ITGA11: variants seen among roughly 807,000 people sequenced by gnomAD.
The protein encoded by ITGA11 is integrin subunit alpha 11, also known as integrin alpha-11.
In ITGA11, 97 loss-of-function variants were observed where a neutral mutation model predicts 141.9. That is an observed-to-expected ratio of 0.68 (90% confidence interval 0.58 to 0.81). The LOEUF (loss-of-function observed/expected upper bound fraction) is 0.81. Among genes scored for constraint, ITGA11 ranks in the 30% least tolerant of loss-of-function variants. The probability of loss-of-function intolerance (pLI) is 0.00; values close to 1 mark genes in which losing one functional copy is unlikely to be tolerated. For synonymous variants in ITGA11, 658 were observed against 624.6 expected (o/e 1.05, Z -0.80); for missense variants, 1,387 against 1,559.2 (o/e 0.89, Z 1.86).
intron 2 of ITGA11, among the ~76,000 whole-genome samples, chr15:68,392,498 G>A (rs544698816): frequency 1.8e-4 from 27 of 152,266 alleles, no homozygotes; most frequent in African/African-American, 6.5e-4. Flanking sequence ...AAGATGACTA[G>A]GATTTGGGAA....
intron 2 of ITGA11, among the ~76,000 whole-genome samples, chr15:68,396,788 A>G (rs964711701): frequency 1.4e-5 from 2 of 147,336 alleles, no homozygotes; most frequent in Non-Finnish European, 3.0e-5. Context: ...AAAGATTGAA[A>G]AATGAAATAA....
chr15:68,404,012 G>A (rs531479304), intron 1 of ITGA11, among the ~76,000 whole-genome samples: 63 of 152,158 alleles, frequency 4.1e-4, no homozygotes, highest in African/African-American at 1.4e-3. Flanking sequence ...GGGAACTCCC[G>A]ATTCTACCAG....
chr15:68,362,444 A>G (rs1895274886), intron 4 of ITGA11, among the ~76,000 whole-genome samples: 1 of 152,198 alleles, frequency 6.6e-6, no homozygotes, highest in Non-Finnish European at 1.5e-5. Flanking sequence ...CAGATCTTAA[A>G]GGTTATGTTT....
chr15:68,428,890 A>G (rs1030123955), intron 1 of ITGA11, among the ~76,000 whole-genome samples: 8 of 152,196 alleles, frequency 5.3e-5, no homozygotes, highest in Admixed American at 5.2e-4. Context: ...CTGAGTTCTT[A>G]TTATGATCAA....
intron 1 of ITGA11, among the ~76,000 whole-genome samples, chr15:68,427,621 T>C (rs752884248): frequency 2.6e-5 from 4 of 152,104 alleles, no homozygotes; most frequent in Non-Finnish European, 5.9e-5. Context: ...GTATGAAAAC[T>C]CTCCATGGAA....
chr15:68,428,934 GA>G (rs1159993590), intron 1 of ITGA11, among the ~76,000 whole-genome samples: 1 of 152,192 alleles, frequency 6.6e-6, no homozygotes, highest in African/African-American at 2.4e-5. Context: ...GAGGGACTAG[GA>G]AAGTCTTCAC....
At position 68,365,682 on chromosome 15, in the gene ITGA11, A is replaced by ATTTCT. The variant is rs1036934332; in HGVS notation, c.266-889_266-885dup. ...GGCTTCCCTGCCTGGGGAAGGAGTAATTTCTTTTCTTTTCTCTTTTCTTTT... is the reference window on the plus strand; with the variant it reads ...GGCTTCCCTGCCTGGGGAAGGAGTAATTTCTTTTCTTTTCTTTTCTCTTTTCTTTT... On this transcript the variant is annotated intron_variant, in intron 3 of 29. Transcript: ENST00000315757. Among the ~76,000 whole-genome samples the ATTTCT allele has an allele frequency of 3.4e-5, 5 of 144,940 alleles. No individual in the cohort carries two copies. The South Asian group carries it at 6.5e-4, about 19-fold the overall frequency.
Position 68,402,923 on chromosome 15 carries a change from A to G in ITGA11, c.159T>C (p.Asn53=), listed in dbSNP as rs1303728045. The part of the protein sequence containing the change: ...YTVQQHDISG[N]KWLVVGAPLE... Reference sequence around the variant, plus strand: ...GGGCGGCCGCTCTCACTCACCACTTATTGCCACTGATGTCGTGCTGCTGCA... The same window carrying G: ...GGGCGGCCGCTCTCACTCACCACTTGTTGCCACTGATGTCGTGCTGCTGCA... Residue 53 remains asparagine, a synonymous_variant, in exon 2 of 30, where the codon AAT becomes AAC. Transcript: ENST00000315757. 1 of 1,611,582 alleles carries G rather than the reference A, an allele frequency of 6.2e-7. No individual in the cohort carries two copies. Among genetic ancestry groups the G allele is most frequent in the East Asian group, 2.2e-5 (1 of 44,856 alleles).
At chr15:68,401,681 C>T (rs1316556677) in intron 2 of ITGA11, among the ~76,000 whole-genome samples, 1 of 152,020 alleles carries the variant, frequency 6.6e-6, no homozygotes, top group Non-Finnish European at 1.5e-5. Context: ...ATAGTGGGTC[C>T]CTGGAGGGGC....
chr15:68,326,338 C>T lies in ITGA11; in HGVS notation c.2211+316G>A, dbSNP rs955116405. Among the ~76,000 whole-genome samples the T allele has an allele frequency of 4.6e-5, 7 of 152,206 alleles. No homozygotes were observed. The highest frequency in any genetic ancestry group is 8.8e-5 in the Non-Finnish European group (6 of 68,048). On this transcript the variant is annotated intron_variant, in intron 17 of 29. Transcript: ENST00000315757. The surrounding 1 kb of genome is among the most constrained non-coding windows in gnomAD (Gnocchi z 6.8). ...TGTTAGCTGCTGCCTGCTTATCCCT[C>T]CCTTTGGGGCTGTGCCCCCCACCAG...
At chr15:68,407,648 A>G (rs138916196) in intron 1 of ITGA11, among the ~76,000 whole-genome samples, 12 of 152,132 alleles carry the variant, frequency 7.9e-5, no homozygotes, top group Admixed American at 5.9e-4. Flanking sequence ...ACAGAGGGGG[A>G]AAAAAACCAC....
chr15:68,353,798 C>A (rs1382298499), intron 7 of ITGA11, among the ~76,000 whole-genome samples: 1 of 152,152 alleles, frequency 6.6e-6, no homozygotes, highest in African/African-American at 2.4e-5. Context: ...TGCTCAAAAC[C>A]TGCACAGGTT....
Position 68,313,764 on chromosome 15 carries a change from C to G in ITGA11, c.2882+15G>C. 6.2e-7 allele frequency: 1 copy of G among 1,610,648 alleles called. No individual in the cohort carries two copies. The highest frequency in any genetic ancestry group is 8.5e-7 in the Non-Finnish European group (1 of 1,177,754). On this transcript the variant is annotated intron_variant, in intron 23 of 29. Coordinates refer to ENST00000315757, the MANE Select transcript of ITGA11 (RefSeq NM_001004439.2). The stretch of plus-strand genomic sequence containing the variant: ...CATGCCTTCCCTCTCCTGGGGCCCC[C>G]GGAGCCCGGCCCACCTGGTGAAGAG...
intron 1 of ITGA11, among the ~76,000 whole-genome samples, chr15:68,414,306 G>T (rs1351334621): frequency 6.6e-6 from 1 of 152,196 alleles, no homozygotes; most frequent in African/African-American, 2.4e-5. Flanking sequence ...TCTAGGAATG[G>T]TCCCTGGGGG....
rs750413787 is a variant in ITGA11, at chr15:68,317,293, C to T, written c.2687G>A (p.Ser896Asn). Residue 896 changes from serine to asparagine, a missense_variant, in exon 21 of 30, where the codon AGC (serine) becomes AAC (asparagine). Ser to Asn is a conservative substitution (Grantham distance 46, BLOSUM62 1). Coordinates refer to ENST00000315757, the MANE Select transcript of ITGA11 (RefSeq NM_001004439.2). Reference protein sequence around the residue: ...RRLQKQVCNVSYPFFRAKAKV... With the variant: ...RRLQKQVCNVNYPFFRAKAKV... ...GGCCTTGGCCCGGAAGAAGGGATAGCTGACGTTGCAGACTTGCTTCTGGAG... is the reference window on the plus strand; with the variant it reads ...GGCCTTGGCCCGGAAGAAGGGATAGTTGACGTTGCAGACTTGCTTCTGGAG... 1 of 1,613,928 alleles carries T rather than the reference C, an allele frequency of 6.2e-7. No homozygotes were observed. Among genetic ancestry groups the T allele is most frequent in the African/African-American group, 1.3e-5 (1 of 75,054 alleles).
chr15:68,394,712 C>T lies in ITGA11; in HGVS notation c.164+8206G>A, dbSNP rs560848964. Among the ~76,000 whole-genome samples, 292 of 151,614 alleles carry T rather than the reference C, an allele frequency of 1.9e-3. 2 individuals are homozygous for T. Among genetic ancestry groups the T allele is most frequent in the African/African-American group, 6.7e-3 (275 of 41,286 alleles). On this transcript the variant is annotated intron_variant, in intron 2 of 29. Coordinates refer to ENST00000315757, the MANE Select transcript of ITGA11 (RefSeq NM_001004439.2). Reference sequence around the variant, plus strand: ...CAAGACTGATAAAAAATAAGAGGGACAACACAAATTACCAAAAAGAGAAAT... The same window carrying T: ...CAAGACTGATAAAAAATAAGAGGGATAACACAAATTACCAAAAAGAGAAAT...
Position 68,332,393 on chromosome 15 carries a change from A to G in ITGA11, c.1511T>C (p.Met504Thr). The change falls in exon 13 of 30, where the codon ATG becomes ACG. Residue 504 changes from methionine (M) to threonine (T), a missense_variant. Coordinates refer to ENST00000315757, the MANE Select transcript of ITGA11 (RefSeq NM_001004439.2). ...VTDVLLVGAP[M>T]YFNEGRERGK... ...TCGCTCACGGCCCTCGTTGAAGTAC[A>G]TGGGTGCGCCCACCAGCAGGACATC... The G allele has an allele frequency of 6.2e-7, 1 of 1,610,604 alleles. No homozygotes were observed. Among genetic ancestry groups the G allele is most frequent in the East Asian group, 2.2e-5 (1 of 44,778 alleles).
intron 16 of ITGA11, among the ~76,000 whole-genome samples, chr15:68,327,302 C>T (rs1043511028): frequency 6.6e-6 from 1 of 152,224 alleles, no homozygotes; most frequent in African/African-American, 2.4e-5. Flanking sequence ...CTGCCTCCTC[C>T]CCTTCAGTTA....
intron 1 of ITGA11, among the ~76,000 whole-genome samples, chr15:68,404,529 G>A (rs904935410): frequency 2.0e-4 from 31 of 152,118 alleles, no homozygotes; most frequent in Non-Finnish European, 3.5e-4. Flanking sequence ...TGGTTTCTGG[G>A]CCTCCTCACA....
Sources: gnomAD v4.1 joint callset for allele counts (sites outside exome capture counted in the v4.1 genomes callset) on GRCh38, gnomAD v4.1.1 for gene constraint, Gnocchi (gnomAD v3.1) non-coding constraint, MANE v1.5 for transcripts, NCBI Gene and HGNC (gene_info 2026-07-23, HGNC 2026-07-21) for gene names.